GDF1: variants seen among roughly 807,000 people sequenced by gnomAD.
The protein encoded by GDF1 is growth differentiation factor 1.
GDF1 carries 8 observed loss-of-function variants against 7.4 expected under a neutral mutation model. The observed-to-expected ratio is 1.09, with a 90% CI of 0.64 to 1.96. The LOEUF is 1.96. Among genes scored for constraint, GDF1 ranks in the 30% most tolerant of loss-of-function variants. The pLI is 0.00. For missense variants in GDF1, 574 were observed against 551.5 expected (o/e 1.04, Z -0.41); for synonymous variants, 311 against 276.7 (o/e 1.12, Z -1.23).
In GDF1 at chr19:18,896,087, C is replaced by T. The variant is rs998707880; in HGVS notation, c.-1337G>A. 5 of 940,888 alleles carry T rather than the reference C, an allele frequency of 5.3e-6. No individual in the cohort carries two copies. In the African/African-American group the frequency reaches 9.0e-5, roughly 17 times the overall value. 58.3% of individuals were successfully genotyped at this position (940,888 alleles called of 1,614,324 possible). A position where few individuals can be genotyped will look rare whatever the true frequency, so the allele number is the denominator to read the frequency against. ...GCCGCCGCCATACCGCCCGCTCGCC[C>T]GCCGTGCCCGTCGCCTGCGCCCGCC... On this transcript the variant is annotated 5_prime_UTR_variant, in exon 1 of 8. Coordinates refer to ENST00000247005, the MANE Select transcript of GDF1 (RefSeq NM_001492.6). This position sits in a 1 kb window ranked among gnomAD's most constrained non-coding sequence, Gnocchi z 5.9.
intron 6 of GDF1, among the ~76,000 whole-genome samples, chr19:18,873,377 G>C (rs569774473): frequency 6.6e-6 from 1 of 152,104 alleles, no homozygotes; most frequent in Non-Finnish European, 1.5e-5. Context: ...AGGCCAGAGA[G>C]ACAGAGCAGG....
In GDF1 at chr19:18,878,968, G is replaced by C; in HGVS notation, c.-351C>G. 1 of 1,613,814 alleles carries C rather than the reference G, an allele frequency of 6.2e-7. No homozygotes were observed. The highest frequency in any genetic ancestry group is 8.5e-7 in the Non-Finnish European group (1 of 1,179,846). ...GCTTCAGGCTCTGGGCCTCGGCTGTGTCATACTCCCGCAGGTCCTTCAGCT... is the reference window on the plus strand; with the variant it reads ...GCTTCAGGCTCTGGGCCTCGGCTGTCTCATACTCCCGCAGGTCCTTCAGCT... On this transcript the variant is annotated 5_prime_UTR_variant, in exon 6 of 8. Transcript: ENST00000247005. This position sits in a 1 kb window ranked among gnomAD's most constrained non-coding sequence, Gnocchi z 4.6.
At chr19:18,872,121 G>T (rs1201914296) in intron 6 of GDF1, among the ~76,000 whole-genome samples, 1 of 152,248 alleles carries the variant, frequency 6.6e-6, no homozygotes, top group Admixed American at 6.5e-5. Flanking sequence ...AGTTCCCACA[G>T]AGAGTATAGA....
chr19:18,884,040 CTG>C, intron 3 of GDF1, 45 bp downstream of exon 3: 1 of 1,583,030 alleles, frequency 6.3e-7, no homozygotes, highest in Non-Finnish European at 8.6e-7. Context: ...CCTCCGCACT[CTG>C]TGTGGGCTGT....
intron 2 of GDF1, among the ~76,000 whole-genome samples, chr19:18,885,515 T>TCG (rs879852886): frequency 5.1e-5 from 1 of 19,424 alleles, no homozygotes; most frequent in Non-Finnish European, 1.3e-4. Context: ...CTTCTCGTTT[T>TCG]TTTTTTTTTT....
rs756555481 is a variant in GDF1, at chr19:18,880,420, G to A, written c.-717C>T. The A allele has an allele frequency of 4.4e-6, 7 of 1,587,498 alleles. No homozygotes were observed. Among genetic ancestry groups the A allele is most frequent in the South Asian group, 2.3e-5 (2 of 87,302 alleles). ...TATCGTGCAGGAAGAGCACAAGGAT[G>A]CCCACATTGTGGTACCTGGGGGAGC... On this transcript the variant is annotated 5_prime_UTR_variant, in exon 4 of 8. Transcript: ENST00000247005.
intron 2 of GDF1, among the ~76,000 whole-genome samples, chr19:18,893,068 C>A (rs2056533540): frequency 6.6e-6 from 1 of 151,984 alleles, no homozygotes; most frequent in Non-Finnish European, 1.5e-5. Context: ...AGGCGCCCAC[C>A]ACACCCGGCT....
chr19:18,880,531 A>C, intron 3 of GDF1, 96 bp from the exon 4 acceptor site: 57 of 1,272,140 alleles, frequency 4.5e-5, no homozygotes, highest in Non-Finnish European at 5.8e-5. Context: ...GCTACACCTC[A>C]GGCTCCCCGT....
At position 18,870,112 on chromosome 19, in the gene GDF1, A is replaced by G. The variant is rs1172586632; in HGVS notation, c.196T>C (p.Phe66Leu). 2.6e-6 allele frequency: 4 copies of G among 1,567,868 alleles called. No individual in the cohort carries two copies. Among genetic ancestry groups the G allele is most frequent in the Admixed American group, 3.6e-5 (2 of 55,050 alleles). The change falls in exon 7 of 8, where the codon TTT becomes CTT. Residue 66 changes from phenylalanine (F) to leucine (L), a missense_variant. By Grantham distance (22) the Phe-to-Leu change is conservative. Transcript: ENST00000247005. The surrounding 1 kb of genome is among the most constrained non-coding windows in gnomAD (Gnocchi z 5.1). The part of the protein sequence containing the change: ...RPVPPVMWRL[F>L]RRRDPQETRS... ...GTCTCCTGGGGGTCCCGGCGTCGAA[A>G]CAGGCGCCACATGACCGGGGGAACC...
chr19:18,891,165 C>A (rs968019300), intron 2 of GDF1, among the ~76,000 whole-genome samples: 6 of 152,136 alleles, frequency 3.9e-5, no homozygotes, highest in Admixed American at 3.3e-4. Flanking sequence ...ATGGGTCATC[C>A]GTCTAGAAGG....
intron 6 of GDF1, among the ~76,000 whole-genome samples, chr19:18,876,507 GT>G (rs1305837852): frequency 1.3e-5 from 2 of 149,088 alleles, no homozygotes; most frequent in South Asian, 4.3e-4. Context: ...ACACATGGCT[GT>G]TTTTTGTTTT....
chr19:18,885,529 T>G (rs1019743982), intron 2 of GDF1, among the ~76,000 whole-genome samples: 8 of 148,796 alleles, frequency 5.4e-5, no homozygotes, highest in African/African-American at 2.0e-4. Context: ...TTTTTTTTTT[T>G]TTTTTTTTGA....
rs368072339 is a variant in GDF1 at position 18,879,306 on chromosome 19, G to C, written c.-488C>G. On this transcript the variant is annotated 5_prime_UTR_variant, in exon 5 of 8. Transcript: ENST00000247005. ...AGCGCATTGAAGAAGAAGTAGAAGG[G>C]GATGTCAGGCACCGTGCGCAGACTG... 49 of 1,612,698 alleles carry C rather than the reference G, an allele frequency of 3.0e-5. No individual in the cohort carries two copies. The Admixed American group carries it at 8.2e-4, about 27-fold the overall frequency.
intron 2 of GDF1, among the ~76,000 whole-genome samples, chr19:18,887,828 C>A (rs1373451641): frequency 6.6e-6 from 1 of 151,860 alleles, no homozygotes; most frequent in East Asian, 1.9e-4. Context: ...CATTATTGTG[C>A]AACCATCACC....
In GDF1 at chr19:18,878,632, G is replaced by A. The variant is rs1169421295; in HGVS notation, c.-313+298C>T. 9.5e-5 allele frequency: 115 copies of A among 1,206,318 alleles called. No homozygotes were observed. The highest frequency in any genetic ancestry group is 1.4e-4 in the South Asian group (7 of 50,312). The allele number at this position is 1,206,318 out of a possible 1,614,324, so 74.7% of individuals were successfully genotyped here. ...CTCACCACCCACAGGGCCCTGGCTC[G>A]CCACTCCCGCCACACCAGCCACTAG... is the stretch of plus-strand genomic sequence containing the variant. On this transcript the variant is annotated intron_variant, in intron 6 of 7. Transcript: ENST00000247005. The surrounding 1 kb of genome is among the most constrained non-coding windows in gnomAD (Gnocchi z 4.6).
Position 18,869,300 on chromosome 19 carries a change from G to A in GDF1, c.416C>T (p.Ala139Val), listed in dbSNP as rs1378195581. The change falls in exon 8 of 8, where the codon GCT (alanine) becomes GTT (valine). Residue 139 changes from alanine to valine, a missense_variant. By Grantham distance (64) the Ala-to-Val change is moderately conservative. Transcript: ENST00000247005. ...CAGGCGGGCCCGGCTCGGGCGCTCA[G>A]CGGGTTCCACAGCCGACAGGTCGAA... Reference protein sequence around the residue: ...VVFDLSAVEPAERPSRARLEL... With the variant: ...VVFDLSAVEPVERPSRARLEL... 9 of 1,515,982 alleles carry A rather than the reference G, an allele frequency of 5.9e-6. No homozygotes were observed. In the East Asian group the frequency reaches 2.4e-4, roughly 40 times the overall value. 93.9% of individuals were successfully genotyped at this position (1,515,982 alleles called of 1,614,324 possible).
chr19:18,895,895 G>T lies in GDF1; in HGVS notation c.-1145C>A. On this transcript the variant is annotated 5_prime_UTR_variant, in exon 1 of 8. It adds an upstream start codon to the 5' untranslated region. Transcript: ENST00000247005. This position sits in a 1 kb window ranked among gnomAD's most constrained non-coding sequence, Gnocchi z 6.4. ...AGCGCGCCGAGCGCCAGCAGCAGCA[G>T]CTCGGGCGGCGCCAGGTGCGCGTGC... is the stretch of plus-strand genomic sequence containing the variant. 7.9e-7 allele frequency: 1 copy of T among 1,264,238 alleles called. No homozygotes were observed. The highest frequency in any genetic ancestry group is 2.2e-5 in the South Asian group (1 of 45,136). 78.3% of individuals were successfully genotyped at this position (1,264,238 alleles called of 1,614,324 possible). A position where few individuals can be genotyped will look rare whatever the true frequency, so the allele number is the denominator to read the frequency against.
In GDF1 at chr19:18,870,231, A is replaced by G. The variant is rs2145989610; in HGVS notation, c.77T>C (p.Leu26Pro). The G allele has an allele frequency of 1.3e-6, 2 of 1,553,054 alleles. No homozygotes were observed. Among genetic ancestry groups the G allele is most frequent in the Non-Finnish European group, 8.7e-7 (1 of 1,152,950 alleles). ...LLALLLPSLP[L>P]TRAPVPPGPA... is the part of the protein sequence containing the mutation. ...GCCTGGGGGCACGGGGGCGCGGGTC[A>G]GGGGCAGCGAGGGCAGCAGCAGGGC... The change falls in exon 7 of 8, where the codon CTG becomes CCG. Residue 26 changes from leucine to proline, a missense_variant. By Grantham distance (98) the Leu-to-Pro change is moderately conservative. Transcript: ENST00000247005. The surrounding 1 kb of genome is among the most constrained non-coding windows in gnomAD (Gnocchi z 5.1).
At position 18,887,643 on chromosome 19, in the gene GDF1, C is replaced by G. The variant is rs923927852; in HGVS notation, c.-913-3376G>C. On this transcript the variant is annotated intron_variant, in intron 2 of 7. Transcript: ENST00000247005. Reference sequence around the variant, plus strand: ...GCCTGTAATCCCACCTACTCGAAGGCTGAGGCAGGAGCATCACTTAAACCC... The same window carrying G: ...GCCTGTAATCCCACCTACTCGAAGGGTGAGGCAGGAGCATCACTTAAACCC... Among the ~76,000 whole-genome samples, 7 of 151,086 alleles carry G rather than the reference C, an allele frequency of 4.6e-5. 1 individual carries two copies. The highest frequency in any genetic ancestry group is 1.3e-4 in the Admixed American group (2 of 15,030).
Sources: gnomAD v4.1 joint callset for allele counts (sites outside exome capture counted in the v4.1 genomes callset) on GRCh38, gnomAD v4.1.1 for gene constraint, Gnocchi (gnomAD v3.1) non-coding constraint, MANE v1.5 for transcripts, NCBI Gene and HGNC (gene_info 2026-07-23, HGNC 2026-07-21) for gene names.